The following CLASP1 variants were observed in gnomAD, a reference collection of about 807,000 sequenced individuals.
The protein encoded by CLASP1 is CLIP-associating protein 1.
CLASP1 carries 38 observed loss-of-function variants against 192.3 expected under a neutral mutation model. That is an observed-to-expected ratio of 0.20 (90% CI 0.15 to 0.26). CLASP1 has a LOEUF of 0.26. Ranked by LOEUF, CLASP1 falls within the 10% of genes least tolerant of loss-of-function variation. The probability of loss-of-function intolerance (pLI) is 1.00; values close to 1 mark genes in which losing one functional copy is unlikely to be tolerated. For missense variants in CLASP1, 1,433 were observed against 1,932.5 expected, an observed-to-expected ratio of 0.74 and a Z score of 4.85; for synonymous variants, 691 against 712.8, an observed-to-expected ratio of 0.97 and a Z score of 0.49.
chr2:121,575,235 C>A (rs1245802736), intron 2 of CLASP1, among the ~76,000 whole-genome samples: 1 of 151,938 alleles, frequency 6.6e-6, no homozygotes, highest in Non-Finnish European at 1.5e-5. Flanking sequence ...CCTCAGCCTC[C>A]TGAGTAGCTA....
At chr2:121,575,467 A>G (rs1198749614) in intron 2 of CLASP1, among the ~76,000 whole-genome samples, 2 of 152,236 alleles carry the variant, frequency 1.3e-5, no homozygotes, top group South Asian at 2.1e-4. Flanking sequence ...CTAATTGCTT[A>G]TAAGTAAAAG....
intron 2 of CLASP1, among the ~76,000 whole-genome samples, chr2:121,590,817 CA>C (rs1323069923): frequency 2.0e-5 from 3 of 150,710 alleles, no homozygotes; most frequent in Non-Finnish European, 4.4e-5. Flanking sequence ...AAGTCAAAGA[CA>C]AAAATATCTC....
intron 8 of CLASP1, 164 bp from the exon 9 acceptor site, chr2:121,470,124 T>A: frequency 1.5e-6 from 1 of 678,276 alleles, no homozygotes. Flanking sequence ...AGCCTTAGGT[T>A]AAGCCCAGAA....
At chr2:121,631,446 C>A (rs1177887926) in intron 1 of CLASP1, among the ~76,000 whole-genome samples, 2 of 151,478 alleles carry the variant, frequency 1.3e-5, no homozygotes, top group African/African-American at 4.8e-5. Flanking sequence ...CACCACCAGG[C>A]CCAGCTAATT....
intron 16 of CLASP1, among the ~76,000 whole-genome samples, chr2:121,450,375 A>T (rs2085224306): frequency 6.6e-6 from 1 of 152,140 alleles, no homozygotes; most frequent in African/African-American, 2.4e-5. Flanking sequence ...TACAGAGGCC[A>T]TGGCCACATA....
intron 32 of CLASP1, among the ~76,000 whole-genome samples, chr2:121,384,077 C>T (rs369050901): frequency 2.3e-5 from 3 of 130,794 alleles, no homozygotes; most frequent in African/African-American, 8.8e-5. Flanking sequence ...TACACACACA[C>T]ATATATATGT....
chr2:121,478,671 A>C (rs1400864863), intron 8 of CLASP1, among the ~76,000 whole-genome samples: 4 of 94,096 alleles, frequency 4.3e-5, no homozygotes, highest in Non-Finnish European at 8.8e-5. Flanking sequence ...CCCCCCACAC[A>C]CACCACACAC....
chr2:121,406,707 A>C (rs1346618848), intron 25 of CLASP1, among the ~76,000 whole-genome samples: 1 of 152,126 alleles, frequency 6.6e-6, no homozygotes, highest in Non-Finnish European at 1.5e-5. Flanking sequence ...CTCCTGCCTC[A>C]GCCTCCGAAG....
chr2:121,498,560 T>C (rs1208233246), intron 8 of CLASP1, among the ~76,000 whole-genome samples: 1 of 152,076 alleles, frequency 6.6e-6, no homozygotes, highest in African/African-American at 2.4e-5. Flanking sequence ...AACAGATAAA[T>C]TGGACTTCAT....
At chr2:121,340,978 G>A (rs1447767698) in intron 39 of CLASP1, 31 bp from the exon 41 acceptor site, 2 of 1,448,506 alleles carry the variant, frequency 1.4e-6, no homozygotes, top group Non-Finnish European at 9.6e-7. Context: ...TGAATTAGCA[G>A]GAAGAAAAGC....
intron 19 of CLASP1, among the ~76,000 whole-genome samples, chr2:121,431,899 T>C (rs1217017085): frequency 6.6e-6 from 1 of 152,176 alleles, no homozygotes; most frequent in Non-Finnish European, 1.5e-5. Context: ...GTCACTTATG[T>C]ATCGATAAAG....
At chr2:121,583,690 C>G (rs2061439101) in intron 2 of CLASP1, among the ~76,000 whole-genome samples, 1 of 152,126 alleles carries the variant, frequency 6.6e-6, no homozygotes, top group Non-Finnish European at 1.5e-5. Flanking sequence ...AAGTCCATTC[C>G]TGTTCTTGCT....
chr2:121,389,689 T>G (rs753096638), intron 30 of CLASP1, among the ~76,000 whole-genome samples: 11 of 152,342 alleles, frequency 7.2e-5, no homozygotes, highest in Middle Eastern at 6.8e-3. Context: ...AATGTGCCAC[T>G]GCCTTTATTT....
intron 1 of CLASP1, among the ~76,000 whole-genome samples, chr2:121,611,646 G>A: frequency 6.9e-6 from 1 of 145,564 alleles, no homozygotes; most frequent in Non-Finnish European, 1.5e-5. Flanking sequence ...AAGAGGAGGA[G>A]TTGGAGGAGT....
At chr2:121,562,693 G>A (rs1438521822) in intron 2 of CLASP1, among the ~76,000 whole-genome samples, 1 of 152,176 alleles carries the variant, frequency 6.6e-6, no homozygotes, top group Non-Finnish European at 1.5e-5. Context: ...AAGCACAACA[G>A]GCAAATTTCA....
At chr2:121,461,487 A>G (rs1356424840) in intron 10 of CLASP1, among the ~76,000 whole-genome samples, 2 of 152,220 alleles carry the variant, frequency 1.3e-5, no homozygotes, top group African/African-American at 4.8e-5. Context: ...GGAAACAGCC[A>G]GTGATGCCTA....
chr2:121,517,599 A>G (rs1383059537), intron 6 of CLASP1, among the ~76,000 whole-genome samples: 1 of 152,138 alleles, frequency 6.6e-6, no homozygotes, highest in Non-Finnish European at 1.5e-5. Flanking sequence ...TCACACCTGT[A>G]ATCCCAGCAC....
intron 1 of CLASP1, among the ~76,000 whole-genome samples, chr2:121,614,552 A>T (rs1401629845): frequency 6.6e-6 from 1 of 152,186 alleles, no homozygotes; most frequent in African/African-American, 2.4e-5. Context: ...GGATTCTACC[A>T]ATCAATAGGA....
chr2:121,395,696 T>C (rs7598825), intron 30 of CLASP1, among the ~76,000 whole-genome samples: 2,646 of 152,286 alleles, frequency 0.017, 85 homozygotes, highest in African/African-American at 0.06. Context: ...ACAGAGTGCA[T>C]TGAGCTGACA....
Sources: allele counts gnomAD v4.1 joint callset (sites outside exome capture counted in the v4.1 genomes callset), GRCh38; gene constraint gnomAD v4.1.1; transcripts MANE v1.5; gene names NCBI Gene and HGNC (gene_info 2026-07-23, HGNC 2026-07-21).